STIM2: variants seen among roughly 807,000 people sequenced by gnomAD.
The protein encoded by STIM2 is stromal interaction molecule 2.
In STIM2, 31 loss-of-function variants were observed where a neutral mutation model predicts 85.8. The observed-to-expected ratio is 0.36, with a 90% confidence interval of 0.27 to 0.49. The LOEUF (loss-of-function observed/expected upper bound fraction) is 0.49, where lower values mean the gene tolerates loss of function less well. Among genes scored for constraint, STIM2 ranks in the 20% least tolerant of loss-of-function variants. STIM2 has a pLI of 0.98. For missense variants in STIM2, 841 were observed against 927.6 expected (o/e 0.91, Z 1.21); for synonymous variants, 356 against 331.1 (o/e 1.08, Z -0.82).
intron 3 of STIM2, among the ~76,000 whole-genome samples, chr4:26,985,181 T>A (rs1304761450): frequency 1.3e-5 from 2 of 152,338 alleles, no homozygotes; most frequent in Non-Finnish European, 2.9e-5. Flanking sequence ...CCAGGAAGTC[T>A]ATAAAATCAA....
intron 2 of STIM2, among the ~76,000 whole-genome samples, chr4:26,953,655 C>A (rs1029123968): frequency 2.0e-5 from 3 of 152,054 alleles, no homozygotes; most frequent in Non-Finnish European, 4.4e-5. Flanking sequence ...TCCCGAGGAA[C>A]TAAAAGTAGA....
intron 1 of STIM2, among the ~76,000 whole-genome samples, chr4:26,893,858 A>G (rs1397256015): frequency 6.6e-6 from 1 of 151,674 alleles, no homozygotes; most frequent in Non-Finnish European, 1.5e-5. Flanking sequence ...TCTTCTGTTC[A>G]TTTTTTTATT....
chr4:26,908,635 T>C (rs544151139), intron 1 of STIM2, among the ~76,000 whole-genome samples: 1 of 152,204 alleles, frequency 6.6e-6, no homozygotes, highest in African/African-American at 2.4e-5. Context: ...AGGCACATGC[T>C]ACCACGCCCG....
At chr4:26,887,973 T>C (rs1266987192) in intron 1 of STIM2, among the ~76,000 whole-genome samples, 1 of 152,240 alleles carries the variant, frequency 6.6e-6, no homozygotes, top group Non-Finnish European at 1.5e-5. Flanking sequence ...GCGATGATGC[T>C]GCAGTCGTGG....
At chr4:26,959,958 A>G (rs1302770003) in intron 3 of STIM2, among the ~76,000 whole-genome samples, 1 of 152,166 alleles carries the variant, frequency 6.6e-6, no homozygotes, top group Non-Finnish European at 1.5e-5. Context: ...TATGGGATGA[A>G]AGAGAGAGGA....
chr4:26,922,211 G>A (rs1383148905), intron 2 of STIM2, among the ~76,000 whole-genome samples: 2 of 151,734 alleles, frequency 1.3e-5, no homozygotes, highest in South Asian at 2.1e-4. Context: ...CCTTTTCTCT[G>A]TTTGTATTAT....
intron 3 of STIM2, among the ~76,000 whole-genome samples, chr4:26,966,377 CTATAT>C (rs1726717468): frequency 6.6e-6 from 1 of 152,108 alleles, no homozygotes; most frequent in Non-Finnish European, 1.5e-5. Flanking sequence ...AGGAGAGTCA[CTATAT>C]TATATTCTAC....
At chr4:26,904,330 A>T (rs769027279) in intron 1 of STIM2, among the ~76,000 whole-genome samples, 6 of 152,140 alleles carry the variant, frequency 3.9e-5, no homozygotes, top group Non-Finnish European at 7.4e-5. Flanking sequence ...CTAAGTGTCA[A>T]TATATGTATA....
intron 1 of STIM2, among the ~76,000 whole-genome samples, chr4:26,888,374 C>T (rs115164286): frequency 0.011 from 1,600 of 152,246 alleles, 18 homozygotes; most frequent in Non-Finnish European, 0.016. Flanking sequence ...TTCATTCTCC[C>T]TAATAAGCTA....
chr4:26,919,744 A>G (rs1178578132), intron 2 of STIM2, 110 bp downstream of exon 2: 29 of 1,271,510 alleles, frequency 2.3e-5, no homozygotes, highest in African/African-American at 1.5e-5. Flanking sequence ...CTTCATCTTC[A>G]ACATCTTTAA....
chr4:26,955,954 T>C (rs1350847076), intron 2 of STIM2, among the ~76,000 whole-genome samples: 1 of 152,210 alleles, frequency 6.6e-6, no homozygotes. Context: ...CTCAATATTA[T>C]ACAATTGTTA....
At chr4:26,944,915 T>G (rs1577454078) in intron 2 of STIM2, among the ~76,000 whole-genome samples, 1 of 152,318 alleles carries the variant, frequency 6.6e-6, no homozygotes, top group Non-Finnish European at 1.5e-5. Flanking sequence ...GTTGTGGGAA[T>G]AGAGAGTATT....
intron 1 of STIM2, among the ~76,000 whole-genome samples, chr4:26,912,418 T>G (rs553723741): frequency 3.3e-5 from 5 of 152,354 alleles, no homozygotes; most frequent in Non-Finnish European, 7.3e-5. Context: ...TCAGCTTCAT[T>G]TCTTTCTTAA....
intron 4 of STIM2, among the ~76,000 whole-genome samples, chr4:26,997,790 G>A (rs1728011624): frequency 6.6e-6 from 1 of 152,172 alleles, no homozygotes; most frequent in African/African-American, 2.4e-5. Flanking sequence ...AAGGTGTAAG[G>A]GAAGCATTAT....
At chr4:26,879,780 A>G (rs1320894155) in intron 1 of STIM2, among the ~76,000 whole-genome samples, 1 of 152,210 alleles carries the variant, frequency 6.6e-6, no homozygotes, top group Non-Finnish European at 1.5e-5. Flanking sequence ...TTTGTAAGTA[A>G]TGATTCAGCC....
In STIM2 at chr4:27,017,931, T is replaced by G. The variant is rs1341995759; in HGVS notation, c.1710T>G (p.Leu570=). Residue 570 remains leucine (L), a synonymous_variant, in exon 11 of 12, where the codon CTT becomes CTG. Transcript: ENST00000467087. ...TCTCAGTGTCAAGTTGCCCTGCGCT[T>G]TATCGAAATGAAGAGGAGGAAGAGG... 4 of 1,614,080 alleles carry G rather than the reference T, an allele frequency of 2.5e-6. No individual in the cohort carries two copies. Among genetic ancestry groups the G allele is most frequent in the Non-Finnish European group, 3.4e-6 (4 of 1,180,016 alleles).
chr4:27,022,587 C>T lies in STIM2; in HGVS notation c.1832C>T (p.Pro611Leu). Residue 611 changes from proline (P) to leucine (L), a missense_variant, in exon 12 of 12, where the codon CCT (proline) becomes CTT (leucine). By Grantham distance (98) the Pro-to-Leu change is moderately conservative. Coordinates refer to ENST00000467087, the MANE Select transcript of STIM2 (RefSeq NM_020860.4). ...TCCATTGGAAGGAAACAGTCTCCTC[C>T]TTTAAGCCTCGAGATATACCAAACA... The T allele has an allele frequency of 6.2e-7, 1 of 1,613,404 alleles. No homozygotes were observed. Among genetic ancestry groups the T allele is most frequent in the Non-Finnish European group, 8.5e-7 (1 of 1,179,350 alleles).
At chr4:26,941,840 A>G (rs141809689) in intron 2 of STIM2, among the ~76,000 whole-genome samples, 6 of 152,254 alleles carry the variant, frequency 3.9e-5, no homozygotes, top group African/African-American at 1.4e-4. Flanking sequence ...ATACAATTCA[A>G]TGTAGAGATT....
intron 2 of STIM2, among the ~76,000 whole-genome samples, chr4:26,930,458 A>G (rs952571974): frequency 2.3e-5 from 3 of 132,472 alleles, no homozygotes; most frequent in African/African-American, 9.3e-5. Flanking sequence ...TACCACCTGG[A>G]ATAGGTAGTT....
Sources: allele counts gnomAD v4.1 joint callset (sites outside exome capture counted in the v4.1 genomes callset), GRCh38; gene constraint gnomAD v4.1.1; transcripts MANE v1.5; gene names NCBI Gene and HGNC (gene_info 2026-07-23, HGNC 2026-07-21).